CNBD2: variants seen among roughly 807,000 people sequenced by gnomAD.
CNBD2 encodes the protein cyclic nucleotide binding domain containing 2, also known as cyclic nucleotide-binding domain-containing protein 2.
CNBD2 carries 64 observed loss-of-function variants against 63.7 expected under a neutral mutation model. The observed-to-expected ratio is 1.00, with a 90% CI of 0.82 to 1.24. CNBD2 has a LOEUF of 1.24. CNBD2 is among the 50% of genes most tolerant of loss of function. CNBD2 has a pLI of 0.00. For missense variants in CNBD2, 691 were observed against 713.5 expected (o/e 0.97, Z 0.36); for synonymous variants, 229 against 255.4 (o/e 0.90, Z 0.99).
At chr20:35,976,166 C>A (rs2056515735) in intron 3 of CNBD2, among the ~76,000 whole-genome samples, 164 bp downstream of exon 3, 1 of 152,190 alleles carries the variant, frequency 6.6e-6, no homozygotes, top group Admixed American at 6.5e-5. Flanking sequence ...AATAAAATAG[C>A]TGATCTCAGT....
chr20:35,987,610 C>T, intron 7 of CNBD2, 77 bp downstream of exon 7: 2 of 1,535,062 alleles, frequency 1.3e-6, no homozygotes, highest in Non-Finnish European at 1.8e-6. Context: ...ACCTGATGGT[C>T]AGAGTTTGAG....
intron 8 of CNBD2, among the ~76,000 whole-genome samples, chr20:35,998,635 A>C (rs1320788099): frequency 3.9e-5 from 6 of 152,018 alleles, no homozygotes; most frequent in Admixed American, 3.9e-4. Flanking sequence ...TTGGGAGGCC[A>C]AGGCGGGCAG....
At chr20:35,959,916 A>G (rs2056293369), downstream of CNBD2, among the ~76,000 whole-genome samples, 2 of 152,224 alleles carry the variant, frequency 1.3e-5, no homozygotes, top group Admixed American at 1.3e-4. Flanking sequence ...CACTGTAAAG[A>G]ATATTGCTTT....
upstream of CNBD2, among the ~76,000 whole-genome samples, chr20:35,963,799 A>C (rs1020656449): frequency 2.6e-5 from 4 of 152,160 alleles, no homozygotes; most frequent in Non-Finnish European, 4.4e-5. Context: ...TAGGCTAGCT[A>C]TGGGCGGTGA....
intron 8 of CNBD2, among the ~76,000 whole-genome samples, chr20:36,000,888 C>T (rs1186386419): frequency 3.3e-5 from 5 of 151,266 alleles, no homozygotes; most frequent in African/African-American, 1.2e-4. Context: ...GGCAGAGGAC[C>T]CTGCGGCCTT....
At chr20:35,996,621 C>A (rs532989855) in intron 8 of CNBD2, among the ~76,000 whole-genome samples, 2 of 151,748 alleles carry the variant, frequency 1.3e-5, no homozygotes, top group African/African-American at 4.8e-5. Context: ...AATTCTCCTG[C>A]CTCAGCATCC....
In CNBD2 at chr20:35,980,596, C is replaced by T; in HGVS notation, c.381C>T (p.Leu127=). ...YRNYAEPLQL[L]LAKVMRFERF... is the part of the protein sequence containing the mutation. ...ACTACGCAGAGCCCCTGCAGCTGCT[C>T]CTGGCCAAAGTCATGCGCTTTGAAC... is the stretch of plus-strand genomic sequence containing the variant. Residue 127 remains leucine (L), a synonymous_variant, in exon 4 of 12, where the codon CTC becomes CTT. Coordinates refer to ENST00000373973, the MANE Select transcript of CNBD2 (RefSeq NM_001365709.1). 8.1e-6 allele frequency: 13 copies of T among 1,613,736 alleles called. No individual in the cohort carries two copies. The highest frequency in any genetic ancestry group is 1.1e-5 in the Non-Finnish European group (13 of 1,180,044).
At chr20:36,027,251 G>A (rs948412692) in intron 11 of CNBD2, among the ~76,000 whole-genome samples, 1 of 152,182 alleles carries the variant, frequency 6.6e-6, no homozygotes, top group Non-Finnish European at 1.5e-5. Context: ...CAGCAGGTGT[G>A]GGAAGCGAGT....
chr20:35,979,351 T>G (rs921907846), intron 3 of CNBD2, among the ~76,000 whole-genome samples: 2 of 152,244 alleles, frequency 1.3e-5, no homozygotes, highest in African/African-American at 2.4e-5. Flanking sequence ...GTTACCCACT[T>G]TCATGATAAT....
intron 10 of CNBD2, among the ~76,000 whole-genome samples, chr20:36,022,516 G>C (rs772430721): frequency 3.3e-5 from 5 of 151,862 alleles, no homozygotes; most frequent in Admixed American, 6.6e-5. Context: ...TGTATTATTA[G>C]TAGAGGTGGG....
chr20:35,961,912 G>A lies in CNBD2; in HGVS notation c.228+4138G>A, dbSNP rs1242316946. ...CACCCCACTCCCCTACTTCTCCTTG[G>A]TCCCAGTGGGACCAGAGAGGCTCCC... is the stretch of plus-strand genomic sequence containing the variant. On this transcript the variant is annotated intron_variant, in intron 2 of 4. Transcript: ENST00000622112. Among the ~76,000 whole-genome samples the A allele has an allele frequency of 4.6e-5, 7 of 152,206 alleles. No homozygotes were observed. In the South Asian group the frequency reaches 1.5e-3, roughly 32 times the overall value.
At position 35,968,724 on chromosome 20, in the gene CNBD2, G is replaced by T; in HGVS notation, c.-39G>T. On this transcript the variant is annotated 5_prime_UTR_variant, in exon 1 of 12. Transcript: ENST00000373973. Reference sequence around the variant, plus strand: ...AAATTTGTAGTCCTCCCCTTGAAAGGCAAAGGGGCTAGTTGTGCCATTTGC... The same window carrying T: ...AAATTTGTAGTCCTCCCCTTGAAAGTCAAAGGGGCTAGTTGTGCCATTTGC... The T allele has an allele frequency of 6.4e-7, 1 of 1,566,616 alleles. No individual in the cohort carries two copies. Among genetic ancestry groups the T allele is most frequent in the Non-Finnish European group, 8.7e-7 (1 of 1,147,688 alleles).
At chr20:35,954,621 C>G (rs1331172566), upstream of CNBD2, 5 of 1,340,202 alleles carry the variant, frequency 3.7e-6, no homozygotes, top group South Asian at 2.7e-5. Context: ...GGGCGAGCTG[C>G]GCGTGGCCTG....
intron 5 of CNBD2, among the ~76,000 whole-genome samples, chr20:35,984,402 T>C (rs1354315578): frequency 6.6e-6 from 1 of 152,220 alleles, no homozygotes; most frequent in East Asian, 1.9e-4. Flanking sequence ...TCCTCCCCTC[T>C]GGCCTGTTCA....
At chr20:36,027,749 C>A (rs1178933649) in intron 11 of CNBD2, among the ~76,000 whole-genome samples, 1 of 150,784 alleles carries the variant, frequency 6.6e-6, no homozygotes, top group Non-Finnish European at 1.5e-5. Flanking sequence ...GATCTTGGCT[C>A]ACTGCAAACT....
At chr20:35,974,352 T>G (rs1177954161) in intron 2 of CNBD2, 1 of 153,690 alleles carries the variant, frequency 6.5e-6, no homozygotes, top group Admixed American at 6.5e-5. Context: ...GGTGATGCAA[T>G]GGGCCCTGGA....
chr20:35,961,838 T>C (rs2056311161), intron 2 of CNBD2, among the ~76,000 whole-genome samples: 1 of 152,172 alleles, frequency 6.6e-6, no homozygotes, highest in African/African-American at 2.4e-5. Flanking sequence ...CAGTTGGAGC[T>C]TGGCAGCTGT....
At chr20:35,992,758 C>T (rs1308460510) in intron 7 of CNBD2, among the ~76,000 whole-genome samples, 1 of 151,636 alleles carries the variant, frequency 6.6e-6, no homozygotes, top group Non-Finnish European at 1.5e-5. Flanking sequence ...CCCCCACCCC[C>T]CGACCCTGGT....
intron 10 of CNBD2, among the ~76,000 whole-genome samples, chr20:36,016,040 C>T (rs2147347149): frequency 6.6e-6 from 1 of 152,316 alleles, no homozygotes; most frequent in East Asian, 1.9e-4. Context: ...ATAGTATTGT[C>T]CCTTGACAGG....
Sources: allele counts gnomAD v4.1 joint callset (sites outside exome capture counted in the v4.1 genomes callset), GRCh38; gene constraint gnomAD v4.1.1; transcripts MANE v1.5; gene names NCBI Gene and HGNC (gene_info 2026-07-23, HGNC 2026-07-21).